The following RAPGEF6 variants were observed in gnomAD, a reference collection of about 807,000 sequenced individuals.
RAPGEF6 encodes Rap guanine nucleotide exchange factor 6.
RAPGEF6 carries 56 observed loss-of-function variants against 171.4 expected under a neutral mutation model. The ratio of observed to expected loss-of-function variants is 0.33; its 90% CI spans 0.26 to 0.41. The LOEUF (loss-of-function observed/expected upper bound fraction) is 0.41, where lower values mean the gene tolerates loss of function less well. Ranked by LOEUF, RAPGEF6 falls within the 10% of genes least tolerant of loss-of-function variation. The pLI is 1.00. For synonymous variants in RAPGEF6, 692 were observed against 650.1 expected (o/e 1.06, Z -0.98); for missense variants, 1,674 against 1,921.4 (o/e 0.87, Z 2.41).
Position 131,427,204 on chromosome 5 carries a change from T to G in RAPGEF6, c.*62A>C. 18 of 1,474,102 alleles carry G rather than the reference T, an allele frequency of 1.2e-5. No individual in the cohort carries two copies. Among genetic ancestry groups the G allele is most frequent in the Non-Finnish European group, 1.5e-5 (16 of 1,052,776 alleles). 91.3% of individuals were successfully genotyped at this position (1,474,102 alleles called of 1,614,324 possible). A position where few individuals can be genotyped will look rare whatever the true frequency, so the allele number is the denominator to read the frequency against. ...TCGTTAGCAATGGCCTGCAGAATCA[T>G]GAGGTGGTTCTTGCCCATTCCTCCA... On this transcript the variant is annotated 3_prime_UTR_variant, in exon 28 of 28. Transcript: ENST00000509018.
At chr5:131,615,399 C>T (rs1765201980) in intron 1 of RAPGEF6, among the ~76,000 whole-genome samples, 1 of 152,014 alleles carries the variant, frequency 6.6e-6, no homozygotes, top group Admixed American at 6.6e-5. Context: ...TTTCTTGGGG[C>T]TTTTGTGTCA....
intron 14 of RAPGEF6, among the ~76,000 whole-genome samples, chr5:131,491,055 CGTGT>C (rs147350380): frequency 6.6e-6 from 1 of 151,120 alleles, no homozygotes; most frequent in African/African-American, 2.4e-5. Flanking sequence ...AATGATTTCA[CGTGT>C]GTGTGTGTGT....
intron 1 of RAPGEF6, among the ~76,000 whole-genome samples, chr5:131,611,288 C>T (rs915194805): frequency 5.9e-5 from 9 of 152,200 alleles, no homozygotes; most frequent in Admixed American, 2.0e-4. Flanking sequence ...CAGACTAACA[C>T]GAACACTTTG....
At chr5:131,592,071 G>C (rs1024865993) in intron 4 of RAPGEF6, among the ~76,000 whole-genome samples, 3 of 152,218 alleles carry the variant, frequency 2.0e-5, no homozygotes, top group Middle Eastern at 3.4e-3. Context: ...GGTCAGACTA[G>C]TCTCGAACTC....
intron 4 of RAPGEF6, among the ~76,000 whole-genome samples, chr5:131,580,090 G>A (rs778099372): frequency 1.3e-5 from 2 of 150,992 alleles, no homozygotes; most frequent in Non-Finnish European, 2.9e-5. Flanking sequence ...GCAGGGGGTG[G>A]CACCCATTGG....
intron 7 of RAPGEF6, among the ~76,000 whole-genome samples, chr5:131,516,378 T>C (rs1177207588): frequency 1.3e-5 from 2 of 152,106 alleles, no homozygotes; most frequent in Non-Finnish European, 2.9e-5. Flanking sequence ...AAGAAAGGTG[T>C]AAGAGAACAT....
intron 1 of RAPGEF6, among the ~76,000 whole-genome samples, chr5:131,618,751 G>A (rs921223249): frequency 6.6e-5 from 10 of 152,174 alleles, no homozygotes; most frequent in East Asian, 5.8e-4. Context: ...TGGAGAACAC[G>A]ACATTCACAC....
rs1207585064 is a variant in RAPGEF6, at chr5:131,631,991, G to A, written c.69+2971C>T. ...CTCAGGAGGCTGAGGCAGGAGAATC[G>A]CTTGATCTCAGGTGGCAGAGATTGC... is the stretch of plus-strand genomic sequence containing the variant. On this transcript the variant is annotated intron_variant, in intron 1 of 27. Coordinates refer to ENST00000509018, the MANE Select transcript of RAPGEF6 (RefSeq NM_016340.6). Among the ~76,000 whole-genome samples the A allele has an allele frequency of 2.7e-5, 4 of 148,454 alleles. No individual in the cohort carries two copies. The South Asian group carries it at 6.3e-4, about 23-fold the overall frequency.
intron 16 of RAPGEF6, among the ~76,000 whole-genome samples, chr5:131,476,049 AGAAG>A (rs1295612553): frequency 1.3e-5 from 2 of 152,262 alleles, no homozygotes; most frequent in Non-Finnish European, 2.9e-5. Flanking sequence ...AAGAAAGCAG[AGAAG>A]GAAGGGAAAA....
Position 131,504,655 on chromosome 5 carries a change from C to T in RAPGEF6, c.1225G>A (p.Gly409Arg), listed in dbSNP as rs1757235596. 6.2e-7 allele frequency: 1 copy of T among 1,610,770 alleles called. No homozygotes were observed. The highest frequency in any genetic ancestry group is 1.7e-5 in the Admixed American group (1 of 59,190). Reference sequence around the variant, plus strand: ...ATCACAATGTGTCCTTTCCTGGTTCCACTCCGGTCTAGTTCCCGATGCTCA... The same window carrying T: ...ATCACAATGTGTCCTTTCCTGGTTCTACTCCGGTCTAGTTCCCGATGCTCA... ...VHEHRELDRS[G>R]TRKGHIVIKA... Residue 409 changes from glycine (G) to arginine (R), a missense_variant, in exon 11 of 28, where the codon GGA becomes AGA. Physicochemically the swap from Gly to Arg is moderately radical, Grantham distance 125. This residue lies in a region of RAPGEF6 where 1,116 missense variants were observed against 1,321.5 expected (regional missense o/e 0.84). Coordinates refer to ENST00000509018, the MANE Select transcript of RAPGEF6 (RefSeq NM_016340.6).
At chr5:131,452,950 C>T in intron 21 of RAPGEF6, 104 bp downstream of exon 21, 1 of 1,402,304 alleles carries the variant, frequency 7.1e-7, no homozygotes, top group African/African-American at 1.5e-5. Flanking sequence ...GCACTTTGTA[C>T]AGCACACATG....
At chr5:131,429,777 G>A (rs1751585443) in intron 26 of RAPGEF6, among the ~76,000 whole-genome samples, 1 of 152,144 alleles carries the variant, frequency 6.6e-6, no homozygotes, top group African/African-American at 2.4e-5. Context: ...CTTCTGGCCA[G>A]GTGCGGTGGT....
intron 24 of RAPGEF6, among the ~76,000 whole-genome samples, chr5:131,434,769 A>G (rs1182105773): frequency 6.6e-6 from 1 of 152,234 alleles, no homozygotes; most frequent in Non-Finnish European, 1.5e-5. Context: ...GAAGGACCCA[A>G]AAACAAATCT....
intron 16 of RAPGEF6, among the ~76,000 whole-genome samples, chr5:131,478,714 T>C (rs1755270861): frequency 6.6e-6 from 1 of 152,222 alleles, no homozygotes; most frequent in Admixed American, 6.5e-5. Flanking sequence ...GGGTTCCTGA[T>C]GTGAATTTCT....
intron 3 of RAPGEF6, among the ~76,000 whole-genome samples, chr5:131,594,108 A>G (rs1763746774): frequency 6.6e-6 from 1 of 152,234 alleles, no homozygotes; most frequent in Admixed American, 6.5e-5. Flanking sequence ...AAAATGATTC[A>G]TGGGCTGGGC....
At chr5:131,634,161 A>G (rs1210728868) in intron 1 of RAPGEF6, among the ~76,000 whole-genome samples, 1 of 151,404 alleles carries the variant, frequency 6.6e-6, no homozygotes, top group African/African-American at 2.5e-5. Context: ...TAAACAAAAC[A>G]ATCCAATAAT....
chr5:131,601,372 C>CGA (rs1764246804), intron 3 of RAPGEF6, among the ~76,000 whole-genome samples: 1 of 138,856 alleles, frequency 7.2e-6, no homozygotes, highest in South Asian at 2.2e-4. Flanking sequence ...GTGACAAGAG[C>CGA]GAGACTCCGT....
In RAPGEF6 at chr5:131,602,018, G is replaced by C. The variant is rs191696174; in HGVS notation, c.197+1253C>G. ...CCAGTGTACTCCAGCCTGGGCGACA[G>C]AGCGAGACTCCGTCTCAAAAAAAAA... is the stretch of plus-strand genomic sequence containing the variant. On this transcript the variant is annotated intron_variant, in intron 3 of 27. Transcript: ENST00000509018. 5.0e-5 allele frequency among the ~76,000 whole-genome samples: 7 copies of C among 140,474 alleles called. No homozygotes were observed. In the East Asian group the frequency reaches 1.4e-3, roughly 29 times the overall value. 92.2% of individuals were successfully genotyped at this position (140,474 alleles called of 152,430 possible). A position where few individuals can be genotyped will look rare whatever the true frequency, so the allele number is the denominator to read the frequency against.
chr5:131,586,005 G>A (rs899597065), intron 4 of RAPGEF6, among the ~76,000 whole-genome samples: 3 of 152,090 alleles, frequency 2.0e-5, no homozygotes, highest in Admixed American at 1.3e-4. Flanking sequence ...TGACCACCTT[G>A]AGCACATGTC....
Sources: allele counts gnomAD v4.1 joint callset (sites outside exome capture counted in the v4.1 genomes callset), GRCh38; gene constraint gnomAD v4.1.1; regional missense constraint gnomAD v4.1.1; transcripts MANE v1.5; gene names NCBI Gene and HGNC (gene_info 2026-07-23, HGNC 2026-07-21).